Variants in TRIM55 observed in about 807,000 individuals in gnomAD.
TRIM55 encodes the protein tripartite motif containing 55, also known as tripartite motif-containing protein 55.
A neutral mutation model predicts 60.9 loss-of-function variants in TRIM55; 50 were observed. The observed-to-expected ratio is 0.82, with a 90% confidence interval of 0.65 to 1.04. The LOEUF is 1.04. Among genes scored for constraint, TRIM55 ranks in the 50% least tolerant of loss-of-function variants. The pLI is 0.00. For synonymous variants in TRIM55, 237 were observed against 238.1 expected, an observed-to-expected ratio of 1.00 and a Z score of 0.04; for missense variants, 681 against 666.9, an observed-to-expected ratio of 1.02 and a Z score of -0.23.
Position 66,159,270 on chromosome 8 carries a change from G to C in TRIM55, c.1524+4936G>C, listed in dbSNP as rs532408218. 2.6e-5 allele frequency among the ~76,000 whole-genome samples: 4 copies of C among 152,320 alleles called. No individual in the cohort carries two copies. In the South Asian group the frequency reaches 6.2e-4, roughly 24 times the overall value. Reference sequence around the variant, plus strand: ...AGTTCTGCCAGTTCCAAACTGTCTTGTGAATGAAAACATACAGTATTGTAT... The same window carrying C: ...AGTTCTGCCAGTTCCAAACTGTCTTCTGAATGAAAACATACAGTATTGTAT... On this transcript the variant is annotated intron_variant, in intron 9 of 9. Coordinates refer to ENST00000315962, the MANE Select transcript of TRIM55 (RefSeq NM_184085.2).
chr8:66,150,194 C>CATA (rs770184721), intron 5 of TRIM55, 23 bp from the exon 6 acceptor site: 38 of 1,610,594 alleles, frequency 2.4e-5, no homozygotes, highest in Non-Finnish European at 3.1e-5. Flanking sequence ...TTAAGTAAGA[C>CATA]TATCTTTTGT....
the TRIM55 span, chr8:66,113,565 T>C: frequency 2.2e-6 from 1 of 456,316 alleles, no homozygotes; most frequent in Non-Finnish European, 4.4e-6. Flanking sequence ...GTCTAGCGCT[T>C]TCTCCCCATT....
the TRIM55 span, among the ~76,000 whole-genome samples, chr8:66,113,978 G>C: frequency 2.0e-5 from 3 of 151,388 alleles, no homozygotes; most frequent in African/African-American, 4.9e-5. Flanking sequence ...CCGGGAAGCT[G>C]TGCCCGCTCC....
At chr8:66,128,081 CGGA>C (rs1563631352) in intron 1 of TRIM55, among the ~76,000 whole-genome samples, 1 of 151,978 alleles carries the variant, frequency 6.6e-6, no homozygotes, top group African/African-American at 2.4e-5. Context: ...AAGTGGTGGA[CGGA>C]AAAGCACCTT....
intron 2 of TRIM55, among the ~76,000 whole-genome samples, chr8:66,130,722 G>A (rs1004532344): frequency 4.7e-5 from 7 of 149,196 alleles, no homozygotes; most frequent in Non-Finnish European, 8.9e-5. Flanking sequence ...GTGCAGTGGC[G>A]TGATCTTGGC....
At chr8:66,159,588 G>C (rs1810933952) in intron 9 of TRIM55, among the ~76,000 whole-genome samples, 1 of 152,150 alleles carries the variant, frequency 6.6e-6, no homozygotes, top group Non-Finnish European at 1.5e-5. Flanking sequence ...GTAAGTTTGT[G>C]GTTAACTTCA....
At chr8:66,166,890 C>T (rs147424686) in intron 9 of TRIM55, among the ~76,000 whole-genome samples, 8 of 152,280 alleles carry the variant, frequency 5.3e-5, no homozygotes, top group African/African-American at 1.9e-4. Context: ...CAAAAATCAG[C>T]GTGACCAGGG....
In TRIM55 at chr8:66,128,479, A is replaced by C. The variant is rs766164808; in HGVS notation, c.341+3A>C. On this transcript the variant is annotated splice_donor_region_variant and intron_variant, in intron 2 of 9. Transcript: ENST00000315962. Reference sequence around the variant, plus strand: ...ATCTACAAGCAGGAGTCCACCAGGTAACACTCTTCCACTCTTCCATGTGTC... The same window carrying C: ...ATCTACAAGCAGGAGTCCACCAGGTCACACTCTTCCACTCTTCCATGTGTC... 1.3e-5 allele frequency: 21 copies of C among 1,611,536 alleles called. No homozygotes were observed. Among genetic ancestry groups the C allele is most frequent in the East Asian group, 4.5e-5 (2 of 44,814 alleles).
chr8:66,121,400 A>C, the TRIM55 span, among the ~76,000 whole-genome samples: 5 of 152,194 alleles, frequency 3.3e-5, no homozygotes, highest in African/African-American at 9.7e-5. Context: ...TGGGGGTGGA[A>C]GTGGGGCAAG....
intron 4 of TRIM55, among the ~76,000 whole-genome samples, chr8:66,146,458 T>C (rs1453813406): frequency 1.3e-5 from 2 of 152,246 alleles, no homozygotes; most frequent in Non-Finnish European, 2.9e-5. Flanking sequence ...TCTGTCTCAT[T>C]GTAAATGACT....
intron 9 of TRIM55, among the ~76,000 whole-genome samples, chr8:66,155,236 T>C (rs1235123139): frequency 6.6e-6 from 1 of 152,244 alleles, no homozygotes; most frequent in Non-Finnish European, 1.5e-5. Flanking sequence ...TGACTTATTA[T>C]TTTGATTGTA....
chr8:66,125,317 A>G (rs76096724), upstream of TRIM55, among the ~76,000 whole-genome samples: 1 of 151,880 alleles, frequency 6.6e-6, no homozygotes, highest in African/African-American at 2.4e-5. Flanking sequence ...TCTCATCTCC[A>G]CTCTTATACT....
chr8:66,149,531 A>G, intron 4 of TRIM55, 114 bp from the exon 5 acceptor site: 1 of 843,026 alleles, frequency 1.2e-6, no homozygotes. Context: ...CTTCAGGGAA[A>G]AGAAAAAAAT....
chr8:66,165,489 T>C (rs1811279688), intron 9 of TRIM55, among the ~76,000 whole-genome samples: 1 of 151,824 alleles, frequency 6.6e-6, no homozygotes, highest in Non-Finnish European at 1.5e-5. Flanking sequence ...TCTCAGGTTC[T>C]TTGAAATGAT....
chr8:66,147,331 G>A (rs1377356422), intron 4 of TRIM55, among the ~76,000 whole-genome samples: 2 of 152,154 alleles, frequency 1.3e-5, no homozygotes, highest in African/African-American at 2.4e-5. Flanking sequence ...TTATAATTTG[G>A]TTGGGAACTG....
chr8:66,168,282 T>A (rs1811433816), intron 9 of TRIM55, among the ~76,000 whole-genome samples: 1 of 152,222 alleles, frequency 6.6e-6, no homozygotes, highest in African/African-American at 2.4e-5. Flanking sequence ...TCAGAGATAG[T>A]GCCTCAGTTA....
At chr8:66,134,107 T>C (rs1000275819) in intron 2 of TRIM55, among the ~76,000 whole-genome samples, 12 of 152,228 alleles carry the variant, frequency 7.9e-5, no homozygotes, top group Admixed American at 7.8e-4. Context: ...GCTCCCTAAA[T>C]TGATTTCATG....
At chr8:66,130,808 C>T (rs1586170707) in intron 2 of TRIM55, among the ~76,000 whole-genome samples, 1 of 151,872 alleles carries the variant, frequency 6.6e-6, no homozygotes, top group Non-Finnish European at 1.5e-5. Flanking sequence ...CTACAGGCAC[C>T]TGCCACCACG....
At chr8:66,120,655 A>T in the TRIM55 span, among the ~76,000 whole-genome samples, 1 of 152,218 alleles carries the variant, frequency 6.6e-6, no homozygotes, top group Non-Finnish European at 1.5e-5. Context: ...ATTGTTACAC[A>T]TTCGTGTGCC....
Sources: gnomAD v4.1 joint callset for allele counts (sites outside exome capture counted in the v4.1 genomes callset) on GRCh38, gnomAD v4.1.1 for gene constraint, MANE v1.5 for transcripts, NCBI Gene and HGNC (gene_info 2026-07-23, HGNC 2026-07-21) for gene names.